Variants in CLINT1 observed in about 807,000 individuals in gnomAD.
The protein encoded by CLINT1 is clathrin interacting protein localized in the trans-Golgi region.
In CLINT1, 15 loss-of-function variants were observed where a neutral mutation model predicts 70.4. The observed-to-expected ratio is 0.21, with a 90% CI of 0.14 to 0.33. CLINT1 has a LOEUF of 0.33. Among genes scored for constraint, CLINT1 ranks in the 10% least tolerant of loss-of-function variants. The probability of loss-of-function intolerance (pLI) is 1.00; values close to 1 mark genes in which losing one functional copy is unlikely to be tolerated. For synonymous variants in CLINT1, 227 were observed against 254.7 expected (o/e 0.89, Z 1.04); for missense variants, 615 against 778.1 (o/e 0.79, Z 2.49).
intron 1 of CLINT1, among the ~76,000 whole-genome samples, chr5:157,858,468 C>G (rs1045290883): frequency 6.6e-6 from 1 of 152,170 alleles, no homozygotes; most frequent in Non-Finnish European, 1.5e-5. Flanking sequence ...AAGACACACC[C>G]CAACCAGGTC....
chr5:157,825,681 CATG>C (rs145500356), intron 1 of CLINT1, among the ~76,000 whole-genome samples: 270 of 152,228 alleles, frequency 1.8e-3, no homozygotes, highest in African/African-American at 6.0e-3. Flanking sequence ...TTCCTCCTGA[CATG>C]ATGTAAGACC....
chr5:157,787,929 G>C lies in CLINT1; in HGVS notation c.1595C>G (p.Ser532Trp). ...SFGAVNLSSP[S>W]NMLPVRPQTN... is the part of the protein sequence containing the mutation. ...TTGGGGCCGGACAGGAAGCATGTTC[G>C]ATGGAGAACTGAGGTTCACAGCTCC... is the stretch of plus-strand genomic sequence containing the variant. The change falls in exon 12 of 12, where the codon TCG becomes TGG. Residue 532 changes from serine (S) to tryptophan (W), a missense_variant. Physicochemically the swap from Ser to Trp is radical, Grantham distance 177. This residue lies in a region of CLINT1 where 374 missense variants were observed against 409.6 expected (regional missense o/e 0.91). Transcript: ENST00000411809. 6.2e-7 allele frequency: 1 copy of C among 1,612,964 alleles called. No homozygotes were observed. Among genetic ancestry groups the C allele is most frequent in the Non-Finnish European group, 8.5e-7 (1 of 1,179,418 alleles).
chr5:157,789,293 G>C, intron 11 of CLINT1, 70 bp downstream of exon 11: 3 of 1,265,752 alleles, frequency 2.4e-6, no homozygotes, highest in East Asian at 4.6e-5. Context: ...TTTATAGTTT[G>C]AAGTAGTCCT....
chr5:157,806,700 C>T (rs904900414), intron 6 of CLINT1, among the ~76,000 whole-genome samples: 1 of 152,142 alleles, frequency 6.6e-6, no homozygotes, highest in Non-Finnish European at 1.5e-5. Flanking sequence ...TACAACTGTG[C>T]TATTTTACTA....
At chr5:157,846,256 A>G (rs1290118171) in intron 1 of CLINT1, among the ~76,000 whole-genome samples, 1 of 152,254 alleles carries the variant, frequency 6.6e-6, no homozygotes, top group Non-Finnish European at 1.5e-5. Context: ...TGTGAATGCA[A>G]AGGAAATGTT....
intron 1 of CLINT1, among the ~76,000 whole-genome samples, chr5:157,837,509 A>G (rs1021222621): frequency 1.3e-5 from 2 of 152,180 alleles, no homozygotes; most frequent in African/African-American, 2.4e-5. Flanking sequence ...GAGAAATGCA[A>G]TCGGTCTAAA....
intron 1 of CLINT1, among the ~76,000 whole-genome samples, chr5:157,830,796 C>CTATATATATA (rs369160163): frequency 7.8e-4 from 67 of 85,702 alleles, no homozygotes; most frequent in African/African-American, 2.9e-3. Context: ...CTCTCTCTCT[C>CTATATATATA]TATATATATA....
chr5:157,822,497 C>T (rs568090810), intron 1 of CLINT1, among the ~76,000 whole-genome samples: 15 of 152,278 alleles, frequency 9.9e-5, no homozygotes, highest in African/African-American at 3.6e-4. Context: ...TTTTTCTTCC[C>T]AGTCTTGGGT....
chr5:157,802,558 T>TC (rs1186510354), intron 8 of CLINT1, among the ~76,000 whole-genome samples: 18 of 147,434 alleles, frequency 1.2e-4, no homozygotes, highest in Middle Eastern at 3.4e-3. Flanking sequence ...TTTTTTTTTT[T>TC]CCGAGATGGA....
At chr5:157,802,464 C>G (rs1762254711) in intron 8 of CLINT1, among the ~76,000 whole-genome samples, 1 of 151,812 alleles carries the variant, frequency 6.6e-6, no homozygotes, top group African/African-American at 2.4e-5. Flanking sequence ...CTAGCACATA[C>G]TGGAAATCAA....
chr5:157,833,576 CA>C (rs1763317493), intron 1 of CLINT1, among the ~76,000 whole-genome samples: 1 of 152,084 alleles, frequency 6.6e-6, no homozygotes, highest in African/African-American at 2.4e-5. Flanking sequence ...CCTTAACTCC[CA>C]AAACAGTTGG....
chr5:157,792,027 C>T (rs768237913), intron 9 of CLINT1, 32 bp from the exon 10 acceptor site: 100 of 1,577,006 alleles, frequency 6.3e-5, no homozygotes, highest in Non-Finnish European at 8.0e-5. Flanking sequence ...GGGTAAGAAA[C>T]TTCATGGAAT....
At chr5:157,838,118 T>G (rs1218793083) in intron 1 of CLINT1, among the ~76,000 whole-genome samples, 1 of 139,352 alleles carries the variant, frequency 7.2e-6, no homozygotes, top group Admixed American at 7.3e-5. Context: ...GTCAAGGTTT[T>G]TTTGTTTTTT....
chr5:157,831,411 C>G (rs949850666), intron 1 of CLINT1, among the ~76,000 whole-genome samples: 4 of 152,070 alleles, frequency 2.6e-5, no homozygotes, highest in Non-Finnish European at 4.4e-5. Flanking sequence ...AGGCTGGTCT[C>G]AAACTCTTGA....
intron 3 of CLINT1, among the ~76,000 whole-genome samples, chr5:157,814,858 C>A (rs1413754435): frequency 6.6e-6 from 1 of 151,828 alleles, no homozygotes; most frequent in Non-Finnish European, 1.5e-5. Context: ...CATGGTGAAA[C>A]CTCGTCTCTA....
chr5:157,820,064 A>G (rs1404963852), intron 1 of CLINT1, among the ~76,000 whole-genome samples: 2 of 152,236 alleles, frequency 1.3e-5, no homozygotes, highest in Non-Finnish European at 2.9e-5. Context: ...TACTTACAAT[A>G]TAGTTATTAA....
chr5:157,839,428 G>A (rs924142395), intron 1 of CLINT1, among the ~76,000 whole-genome samples: 3 of 151,750 alleles, frequency 2.0e-5, no homozygotes, highest in African/African-American at 2.4e-5. Context: ...TGGTGAAACC[G>A]CATCTCTACT....
chr5:157,817,696 C>T, intron 1 of CLINT1, 149 bp from the exon 2 acceptor site: 1 of 561,622 alleles, frequency 1.8e-6, no homozygotes, highest in East Asian at 2.8e-5. Context: ...CACAAGCTAC[C>T]CCAAGGACAC....
Position 157,859,054 on chromosome 5 carries a change from G to T in CLINT1, c.-84C>A, listed in dbSNP as rs1205746712. 10 of 1,517,682 alleles carry T rather than the reference G, an allele frequency of 6.6e-6. No homozygotes were observed. In the Admixed American group the frequency reaches 1.8e-4, roughly 28 times the overall value. 94.0% of individuals were successfully genotyped at this position (1,517,682 alleles called of 1,614,324 possible). A position where few individuals can be genotyped will look rare whatever the true frequency, so the allele number is the denominator to read the frequency against. On this transcript the variant is annotated 5_prime_UTR_variant, in exon 1 of 12. Transcript: ENST00000411809. ...CACTTCCGTACCGGGGCAGTTCCAGGCCGGGGTCACCGCCGCCCGCCGCCT... is the reference window on the plus strand; with the variant it reads ...CACTTCCGTACCGGGGCAGTTCCAGTCCGGGGTCACCGCCGCCCGCCGCCT...
Sources: allele counts gnomAD v4.1 joint callset (sites outside exome capture counted in the v4.1 genomes callset), GRCh38; gene constraint gnomAD v4.1.1; regional missense constraint gnomAD v4.1.1; transcripts MANE v1.5; gene names NCBI Gene and HGNC (gene_info 2026-07-23, HGNC 2026-07-21).